The following PRKACA variants were observed in gnomAD, a reference collection of about 807,000 sequenced individuals.
PRKACA encodes the protein cAMP-dependent protein kinase catalytic subunit alpha.
In PRKACA, 9 loss-of-function variants were observed where a neutral mutation model predicts 45.8. The ratio of observed to expected loss-of-function variants is 0.20; its 90% CI spans 0.12 to 0.34. PRKACA has a LOEUF of 0.34. Among genes scored for constraint, PRKACA ranks in the 10% least tolerant of loss-of-function variants. The pLI is 1.00. For synonymous variants in PRKACA, 160 were observed against 178.6 expected (o/e 0.90, Z 0.83); for missense variants, 238 against 458.6 (o/e 0.52, Z 4.39).
At chr19:14,094,663 A>T (rs1042167622) in intron 8 of PRKACA, among the ~76,000 whole-genome samples, 1 of 152,204 alleles carries the variant, frequency 6.6e-6, no homozygotes, top group Non-Finnish European at 1.5e-5. Context: ...TGATGGGGCA[A>T]TTCCATCTCA....
intron 1 of PRKACA, chr19:14,114,109 C>A (rs1363744157): frequency 6.2e-7 from 1 of 1,607,542 alleles, no homozygotes; most frequent in Non-Finnish European, 8.5e-7. Flanking sequence ...TAGGAAGTTG[C>A]TATAGTAACA....
At chr19:14,099,116 A>G (rs1205787092) in intron 5 of PRKACA, among the ~76,000 whole-genome samples, 1 of 151,990 alleles carries the variant, frequency 6.6e-6, no homozygotes, top group Non-Finnish European at 1.5e-5. Context: ...ACATGGTGAA[A>G]CCCCATCTCT....
At position 14,097,197 on chromosome 19, in the gene PRKACA, G is replaced by C; in HGVS notation, c.765+164C>G. ...GGGGCTGGACAGCAAGGGGGCTTGAGGTGTTGGCCTCAGTGTGGCCGGCGC... is the reference window on the plus strand; with the variant it reads ...GGGGCTGGACAGCAAGGGGGCTTGACGTGTTGGCCTCAGTGTGGCCGGCGC... On this transcript the variant is annotated intron_variant, in intron 8 of 9. Transcript: ENST00000308677. The surrounding 1 kb of genome is among the most constrained non-coding windows in gnomAD (Gnocchi z 5.4). 1 of 1,053,624 alleles carries C rather than the reference G, an allele frequency of 9.5e-7. No individual in the cohort carries two copies. The highest frequency in any genetic ancestry group is 1.4e-6 in the Non-Finnish European group (1 of 715,748). The allele number at this position is 1,053,624 out of a possible 1,614,324, so 65.3% of individuals were successfully genotyped here.
chr19:14,101,538 G>T (rs1977443741), intron 4 of PRKACA, among the ~76,000 whole-genome samples: 1 of 152,128 alleles, frequency 6.6e-6, no homozygotes, highest in African/African-American at 2.4e-5. Context: ...ACTCCAGCCT[G>T]GGCAACAGGG....
chr19:14,103,275 G>A (rs1395242864), intron 3 of PRKACA, among the ~76,000 whole-genome samples: 1 of 152,158 alleles, frequency 6.6e-6, no homozygotes, highest in African/African-American at 2.4e-5. Context: ...TCTGGAGGAA[G>A]GGGCAGCTGA....
Position 14,097,594 on chromosome 19 carries a change from C to T in PRKACA, c.627G>A (p.Glu209=), listed in dbSNP as rs780953754. The change falls in exon 7 of 10, where the codon GAG becomes GAA. Residue 209 remains glutamate (E), a synonymous_variant. Transcript: ENST00000308677. This position sits in a 1 kb window ranked among gnomAD's most constrained non-coding sequence, Gnocchi z 5.4. ...LCGTPEYLAP[E]IILSKGYNKA... The stretch of plus-strand genomic sequence containing the variant: ...AGGCTCCTACTTTGCTCAGGATAAT[C>T]TCAGGGGCCAGGTACTCAGGGGTGC... The T allele has an allele frequency of 1.2e-6, 2 of 1,613,358 alleles. No homozygotes were observed. The highest frequency in any genetic ancestry group is 8.5e-7 in the Non-Finnish European group (1 of 1,179,658).
At chr19:14,114,005 T>C in intron 1 of PRKACA, 2 of 1,123,350 alleles carry the variant, frequency 1.8e-6, no homozygotes, top group Non-Finnish European at 1.3e-6. Flanking sequence ...AGGAGGCGTT[T>C]CCAGGGCCAG....
chr19:14,102,091 G>A (rs1313712372), intron 4 of PRKACA, among the ~76,000 whole-genome samples: 1 of 152,084 alleles, frequency 6.6e-6, no homozygotes, highest in Admixed American at 6.6e-5. Flanking sequence ...TTGAACCCAG[G>A]AGGCAGAGGT....
chr19:14,099,237 A>G (rs1338106535), intron 5 of PRKACA, among the ~76,000 whole-genome samples: 1 of 152,226 alleles, frequency 6.6e-6, no homozygotes, highest in Non-Finnish European at 1.5e-5. Context: ...GTTTGCATGG[A>G]GCCGAGATCG....
intron 3 of PRKACA, among the ~76,000 whole-genome samples, chr19:14,104,006 C>A (rs1977524827): frequency 6.6e-6 from 1 of 152,058 alleles, no homozygotes; most frequent in Non-Finnish European, 1.5e-5. Flanking sequence ...CCCAACTGCA[C>A]TTCAGCCTGG....
rs757266350 is a variant in PRKACA at position 14,100,917 on chromosome 19, A to G, written c.337-9T>C. 6 of 1,613,520 alleles carry G rather than the reference A, an allele frequency of 3.7e-6. No homozygotes were observed. Among genetic ancestry groups the G allele is most frequent in the African/African-American group, 1.3e-5 (1 of 74,940 alleles). On this transcript the variant is annotated splice_polypyrimidine_tract_variant and intron_variant, in intron 4 of 9. Coordinates refer to ENST00000308677, the MANE Select transcript of PRKACA (RefSeq NM_002730.4). Reference sequence around the variant, plus strand: ...TATAAGTTTGAGTTGTCCTGTGGGAAGCAGTGGCTGGTCAAGGGCCCACCC... The same window carrying G: ...TATAAGTTTGAGTTGTCCTGTGGGAGGCAGTGGCTGGTCAAGGGCCCACCC...
Position 14,107,139 on chromosome 19 carries a change from C to T in PRKACA, c.108+209G>A, listed in dbSNP as rs181602641. Among the ~76,000 whole-genome samples the T allele has an allele frequency of 4.4e-3, 309 of 70,256 alleles. 1 individual carries two copies. Among genetic ancestry groups the T allele is most frequent in the East Asian group, 0.021 (58 of 2,748 alleles). The allele number at this position is 70,256 out of a possible 152,430, so 46.1% of individuals were successfully genotyped here. A position where few individuals can be genotyped will look rare whatever the true frequency, so the allele number is the denominator to read the frequency against. ...AGCTGTGCTGGGGGCAGGGGCGGGCCGTTGGGAGGGGTGGTGGGATGGGGG... is the reference window on the plus strand; with the variant it reads ...AGCTGTGCTGGGGGCAGGGGCGGGCTGTTGGGAGGGGTGGTGGGATGGGGG... On this transcript the variant is annotated intron_variant, in intron 2 of 9. Coordinates refer to ENST00000308677, the MANE Select transcript of PRKACA (RefSeq NM_002730.4).
intron 1 of PRKACA, among the ~76,000 whole-genome samples, chr19:14,113,323 A>G (rs73925764): frequency 1.4e-4 from 22 of 152,260 alleles, no homozygotes; most frequent in African/African-American, 5.1e-4. Context: ...GACCCCTGCT[A>G]GCAACAGGAA....
At position 14,093,495 on chromosome 19, in the gene PRKACA, C is replaced by G. The variant is rs1729167222; in HGVS notation, c.930+133G>C. 11 of 1,232,562 alleles carry G rather than the reference C, an allele frequency of 8.9e-6. No homozygotes were observed. The South Asian group carries it at 1.5e-4, about 17-fold the overall frequency. The allele number at this position is 1,232,562 out of a possible 1,614,324, so 76.4% of individuals were successfully genotyped here. On this transcript the variant is annotated intron_variant, in intron 9 of 9. Coordinates refer to ENST00000308677, the MANE Select transcript of PRKACA (RefSeq NM_002730.4). ...ATGACCCCAGAATCCCATTTCTAGA[C>G]CCCACTGCTCTAAGCTCTCTACTCT...
chr19:14,098,134 G>C, intron 5 of PRKACA: 1 of 471,476 alleles, frequency 2.1e-6, no homozygotes, highest in Non-Finnish European at 3.8e-6. Context: ...ACCGCCAACA[G>C]GACAGCCCAT....
chr19:14,109,728 A>G (rs1430294907), intron 1 of PRKACA, among the ~76,000 whole-genome samples: 1 of 151,168 alleles, frequency 6.6e-6, no homozygotes. Flanking sequence ...ACTTGAGGTC[A>G]GGAGTTTGAA....
intron 5 of PRKACA, among the ~76,000 whole-genome samples, chr19:14,100,037 G>GT (rs894204757): frequency 7.9e-5 from 12 of 151,700 alleles, no homozygotes; most frequent in Non-Finnish European, 1.5e-4. Flanking sequence ...TAGAGACGGG[G>GT]TTTCACCATG....
intron 3 of PRKACA, among the ~76,000 whole-genome samples, chr19:14,105,483 C>T (rs1442912286): frequency 6.6e-6 from 1 of 151,550 alleles, no homozygotes; most frequent in African/African-American, 2.4e-5. Flanking sequence ...TGCAGTCCAG[C>T]CTGGGCGACA....
At chr19:14,101,125 C>G (rs1350986191) in intron 4 of PRKACA, 3 of 542,534 alleles carry the variant, frequency 5.5e-6, no homozygotes, top group Non-Finnish European at 6.7e-6. Context: ...GTTAGCCTGC[C>G]TTGGCTGGAG....
Sources: allele counts gnomAD v4.1 joint callset (sites outside exome capture counted in the v4.1 genomes callset), GRCh38; gene constraint gnomAD v4.1.1; non-coding constraint Gnocchi (gnomAD v3.1); transcripts MANE v1.5; gene names NCBI Gene and HGNC (gene_info 2026-07-23, HGNC 2026-07-21).